The following ERC1 variants were observed in gnomAD, a reference collection of about 807,000 sequenced individuals.
ERC1 encodes ELKS/RAB6-interacting/CAST family member 1, also known as RAB6 interacting protein 2.
In ERC1, 56 loss-of-function variants were observed where a neutral mutation model predicts 132.0. The ratio of observed to expected loss-of-function variants is 0.42; its 90% confidence interval spans 0.34 to 0.53. The LOEUF (loss-of-function observed/expected upper bound fraction) is 0.53. ERC1 is among the 20% of genes least tolerant of loss of function. The pLI is 0.03. For missense variants in ERC1, 1,202 were observed against 1,349.9 expected (o/e 0.89, Z 1.72); for synonymous variants, 478 against 476.1 (o/e 1.00, Z -0.05).
chr12:1,174,051 G>C (rs1365910863), intron 8 of ERC1, among the ~76,000 whole-genome samples: 2 of 152,024 alleles, frequency 1.3e-5, no homozygotes, highest in African/African-American at 4.8e-5. Context: ...GATTCAGTGG[G>C]GGCTCAGCTG....
At chr12:1,420,928 G>A (rs982211776) in intron 17 of ERC1, among the ~76,000 whole-genome samples, 2 of 145,664 alleles carry the variant, frequency 1.4e-5, no homozygotes, top group African/African-American at 2.5e-5. Context: ...TTGGGGGGGG[G>A]GGGGGTTAAT....
intron 17 of ERC1, chr12:1,443,380 AG>A (rs1426109852): frequency 4.6e-5 from 7 of 152,274 alleles, no homozygotes; most frequent in African/African-American, 1.4e-4. Context: ...CAGTCCTCTG[AG>A]GGGGTCCAAG....
rs770451619 is a variant in ERC1 at position 1,329,416 on chromosome 12, G to A, written c.2780+39404G>A. On this transcript the variant is annotated intron_variant, in intron 15 of 18. Transcript: ENST00000360905. ...AGCCTAAATAAAATCAACTACACACGTATTAATAATGACCTTCTATCCCTA... is the reference window on the plus strand; with the variant it reads ...AGCCTAAATAAAATCAACTACACACATATTAATAATGACCTTCTATCCCTA... Among the ~76,000 whole-genome samples, 14 of 119,264 alleles carry A rather than the reference G, an allele frequency of 1.2e-4. 1 individual carries two copies. Among genetic ancestry groups the A allele is most frequent in the East Asian group, 3.0e-4 (1 of 3,292 alleles). The allele number at this position is 119,264 out of a possible 152,430, so 78.2% of individuals were successfully genotyped here. A position where few individuals can be genotyped will look rare whatever the true frequency, so the allele number is the denominator to read the frequency against.
At position 1,449,929 on chromosome 12, in the gene ERC1, T is replaced by C. The variant is rs60134996; in HGVS notation, c.3213+5179T>C. Among the ~76,000 whole-genome samples, 133 of 152,240 alleles carry C rather than the reference T, an allele frequency of 8.7e-4. 1 individual carries two copies. The highest frequency in any genetic ancestry group is 3.1e-3 in the African/African-American group (128 of 41,536). On this transcript the variant is annotated intron_variant, in intron 18 of 18. Coordinates refer to ENST00000360905, the MANE Select transcript of ERC1 (RefSeq NM_178040.4). ...TTAAAGCTCAACTCCCCACCCCTTT[T>C]AAGTGATTACTCTGTGGTTTACAGT...
chr12:1,136,323 A>G lies in ERC1; in HGVS notation c.1570-5297A>G, dbSNP rs1021336156. Among the ~76,000 whole-genome samples the G allele has an allele frequency of 5.9e-5, 9 of 152,146 alleles. No individual in the cohort carries two copies. The East Asian group carries it at 1.7e-3, about 29-fold the overall frequency. ...GGTATCTCTGCTCAAAGGTTCTTCC[A>G]TTATCTTCCTCACCAGCCATCTTCT... On this transcript the variant is annotated intron_variant, in intron 7 of 18. Transcript: ENST00000360905.
chr12:1,358,339 G>A (rs2085743274), intron 15 of ERC1, among the ~76,000 whole-genome samples: 1 of 151,376 alleles, frequency 6.6e-6, no homozygotes, highest in African/African-American at 2.4e-5. Context: ...ATGAGTGCCT[G>A]CAATATCATG....
chr12:1,405,477 G>A (rs1044473721), intron 16 of ERC1, among the ~76,000 whole-genome samples: 1 of 152,034 alleles, frequency 6.6e-6, no homozygotes, highest in East Asian at 1.9e-4. Context: ...GCCAAAGCAG[G>A]CGGATTATAT....
At chr12:1,417,780 C>CA (rs59219151) in intron 17 of ERC1, among the ~76,000 whole-genome samples, 2,982 of 83,158 alleles carry the variant, frequency 0.036, 40 homozygotes, top group South Asian at 0.07. Context: ...GACTCCATCT[C>CA]AAAAAAAAAA....
intron 15 of ERC1, among the ~76,000 whole-genome samples, chr12:1,356,380 C>T (rs983504055): frequency 4.6e-5 from 7 of 151,824 alleles, no homozygotes; most frequent in Non-Finnish European, 8.8e-5. Context: ...AAGTTTAAAA[C>T]TTAAAAAATT....
At chr12:1,083,022 G>A (rs1942455511) in intron 2 of ERC1, 142 bp from the exon 3 acceptor site, 1 of 661,604 alleles carries the variant, frequency 1.5e-6, no homozygotes, top group Non-Finnish European at 2.6e-6. Context: ...CATTTTTTAA[G>A]GACCTGTAAA....
rs60542316 is a variant in ERC1 at position 1,233,470 on chromosome 12, C to CAAA, written c.2352-3278_2352-3276dup. ...TGGGCAACAGAGTGAGACCCTGTCT[C>CAAA]AAAAAAAAAAAAAAAAAAAAAAAGA... On this transcript the variant is annotated intron_variant, in intron 12 of 18. Transcript: ENST00000360905. Among the ~76,000 whole-genome samples, 519 of 71,028 alleles carry CAAA rather than the reference C, an allele frequency of 7.3e-3. 15 individuals carry two copies. Among genetic ancestry groups the CAAA allele is most frequent in the Non-Finnish European group, 8.3e-3 (308 of 37,058 alleles). 46.6% of individuals were successfully genotyped at this position (71,028 alleles called of 152,430 possible).
intron 17 of ERC1, among the ~76,000 whole-genome samples, chr12:1,423,520 CT>C (rs1591959494): frequency 6.6e-6 from 1 of 152,150 alleles, no homozygotes; most frequent in Non-Finnish European, 1.5e-5. Flanking sequence ...GTGAACATAA[CT>C]TGTGCTCTTA....
chr12:1,065,480 T>TTG (rs71293132), intron 2 of ERC1, among the ~76,000 whole-genome samples: 7,587 of 124,886 alleles, frequency 0.061, 350 homozygotes, highest in African/African-American at 0.15. Context: ...TTTGTACCGT[T>TTG]TGTGTGTGTG....
chr12:1,159,200 CTT>C (rs1210276202), intron 8 of ERC1, among the ~76,000 whole-genome samples: 1 of 152,128 alleles, frequency 6.6e-6, no homozygotes, highest in African/African-American at 2.4e-5. Context: ...TCCTTAGAGC[CTT>C]TGGCACCAGG....
intron 14 of ERC1, among the ~76,000 whole-genome samples, chr12:1,286,357 AAAGTT>A (rs1350796417): frequency 2.0e-5 from 3 of 152,100 alleles, no homozygotes; most frequent in Non-Finnish European, 2.9e-5. Flanking sequence ...TGATAGAAGA[AAAGTT>A]AAGTGTTCAT....
chr12:1,402,324 G>A (rs1280876527), intron 16 of ERC1, among the ~76,000 whole-genome samples: 1 of 152,188 alleles, frequency 6.6e-6, no homozygotes, highest in African/African-American at 2.4e-5. Context: ...GAGGTCAGGA[G>A]TTCAAAACCA....
intron 7 of ERC1, among the ~76,000 whole-genome samples, chr12:1,118,035 A>G (rs933562645): frequency 2.6e-5 from 4 of 152,244 alleles, no homozygotes; most frequent in Non-Finnish European, 4.4e-5. Flanking sequence ...GGCGGTATCC[A>G]TCCCCTCAAT....
intron 18 of ERC1, among the ~76,000 whole-genome samples, chr12:1,454,140 T>G (rs1056879811): frequency 6.6e-6 from 1 of 152,094 alleles, no homozygotes; most frequent in African/African-American, 2.4e-5. Flanking sequence ...TTAATGAATC[T>G]TCCGTAACAC....
intron 8 of ERC1, among the ~76,000 whole-genome samples, chr12:1,159,285 C>T (rs534163545): frequency 3.1e-4 from 47 of 152,260 alleles, no homozygotes; most frequent in East Asian, 1.2e-3. Context: ...AACTGTCCCA[C>T]GTCAGATCAT....
Sources: allele counts gnomAD v4.1 joint callset (sites outside exome capture counted in the v4.1 genomes callset), GRCh38; gene constraint gnomAD v4.1.1; transcripts MANE v1.5; gene names NCBI Gene and HGNC (gene_info 2026-07-23, HGNC 2026-07-21).